The following RBFOX1 variants were observed in gnomAD, a reference collection of about 807,000 sequenced individuals.
RBFOX1 encodes the protein RNA binding fox-1 homolog 1, also known as RNA binding protein fox-1 homolog 1.
RBFOX1 carries 8 observed loss-of-function variants against 57.7 expected under a neutral mutation model. The observed-to-expected ratio is 0.14, with a 90% confidence interval of 0.08 to 0.25. The LOEUF is 0.25. Among genes scored for constraint, RBFOX1 ranks in the 10% least tolerant of loss-of-function variants. RBFOX1 has a pLI of 1.00. For missense variants in RBFOX1, 611 were observed against 548.5 expected (o/e 1.11, Z -1.14); for synonymous variants, 326 against 222.4 (o/e 1.47, Z -4.15).
chr16:6,841,547 A>C (rs1382007178), intron 3 of RBFOX1, among the ~76,000 whole-genome samples: 1 of 152,192 alleles, frequency 6.6e-6, no homozygotes, highest in African/African-American at 2.4e-5. Flanking sequence ...TAATGAGGCG[A>C]GTATTACCAC....
chr16:6,763,958 G>A (rs1014272823), intron 3 of RBFOX1, among the ~76,000 whole-genome samples: 2 of 152,200 alleles, frequency 1.3e-5, no homozygotes, highest in Non-Finnish European at 2.9e-5. Flanking sequence ...CCTGGAGAAA[G>A]TTGAATCTGC....
intron 3 of RBFOX1, among the ~76,000 whole-genome samples, chr16:6,678,344 G>T (rs1361613148): frequency 1.3e-5 from 2 of 152,044 alleles, no homozygotes; most frequent in African/African-American, 2.4e-5. Flanking sequence ...AGGCTGGTTT[G>T]AACTCCTGAC....
chr16:5,629,481 T>G (rs1816289191), intron 3 of RBFOX1, among the ~76,000 whole-genome samples: 2 of 152,222 alleles, frequency 1.3e-5, no homozygotes, highest in African/African-American at 4.8e-5. Context: ...CCAAAGCCAC[T>G]GCCCAAAGAG....
intron 1 of RBFOX1, among the ~76,000 whole-genome samples, chr16:6,263,118 G>T (rs756967007): frequency 2.0e-5 from 3 of 152,162 alleles, no homozygotes; most frequent in Admixed American, 6.6e-5. Flanking sequence ...CACAGAGTGC[G>T]CCTGTGGGTT....
chr16:7,448,864 A>G (rs1012425841), intron 4 of RBFOX1, among the ~76,000 whole-genome samples: 4 of 151,634 alleles, frequency 2.6e-5, no homozygotes, highest in African/African-American at 9.7e-5. Flanking sequence ...CATCTTAACT[A>G]AATACATCTG....
intron 4 of RBFOX1, among the ~76,000 whole-genome samples, chr16:6,001,013 A>G (rs974838826): frequency 1.3e-5 from 2 of 151,792 alleles, no homozygotes; most frequent in African/African-American, 4.8e-5. Flanking sequence ...GGATGAGTAG[A>G]TGAGTGGGTG....
intron 3 of RBFOX1, among the ~76,000 whole-genome samples, chr16:6,849,032 A>C (rs1289430262): frequency 6.6e-6 from 1 of 152,210 alleles, no homozygotes; most frequent in Non-Finnish European, 1.5e-5. Context: ...GGCCAGGCTT[A>C]CGTGTCCCTG....
At chr16:5,829,489 A>C (rs1219021561) in intron 3 of RBFOX1, among the ~76,000 whole-genome samples, 1 of 152,028 alleles carries the variant, frequency 6.6e-6, no homozygotes, top group African/African-American at 2.4e-5. Flanking sequence ...TTGGGGGAGG[A>C]GGAGGGTGCC....
At chr16:6,162,960 C>G (rs763813822) in intron 1 of RBFOX1, among the ~76,000 whole-genome samples, 4 of 152,152 alleles carry the variant, frequency 2.6e-5, no homozygotes, top group African/African-American at 7.2e-5. Context: ...TCTCGAACTC[C>G]TGACCTCAGG....
intron 4 of RBFOX1, among the ~76,000 whole-genome samples, chr16:7,228,867 C>G (rs371831325): frequency 6.6e-6 from 1 of 152,124 alleles, no homozygotes; most frequent in Non-Finnish European, 1.5e-5. Flanking sequence ...GAGTGTTTTA[C>G]AGATCCACAG....
intron 1 of RBFOX1, among the ~76,000 whole-genome samples, chr16:5,365,284 T>C (rs1183920042): frequency 3.3e-5 from 5 of 150,050 alleles, no homozygotes; most frequent in African/African-American, 1.2e-4. Context: ...GTAGATTCTC[T>C]TGAAAAATGA....
chr16:7,673,011 G>C (rs775426514), intron 13 of RBFOX1, among the ~76,000 whole-genome samples: 8 of 151,788 alleles, frequency 5.3e-5, no homozygotes, highest in Admixed American at 1.3e-4. Flanking sequence ...CACCAAGTGA[G>C]ACTTGACCCT....
intron 2 of RBFOX1, among the ~76,000 whole-genome samples, chr16:6,540,067 G>T (rs1475715229): frequency 6.6e-6 from 1 of 152,120 alleles, no homozygotes; most frequent in African/African-American, 2.4e-5. Flanking sequence ...CACGTGACTT[G>T]ACTTTGATGA....
chr16:7,015,818 A>C (rs2093883007), intron 3 of RBFOX1, among the ~76,000 whole-genome samples: 1 of 152,098 alleles, frequency 6.6e-6, no homozygotes, highest in Admixed American at 6.6e-5. Flanking sequence ...TTTGGGTAGA[A>C]AGAAATATTA....
At chr16:5,788,401 G>A (rs2054581447) in intron 3 of RBFOX1, among the ~76,000 whole-genome samples, 1 of 152,174 alleles carries the variant, frequency 6.6e-6, no homozygotes, top group African/African-American at 2.4e-5. Flanking sequence ...GGTCGAGCTG[G>A]GGGGATCACC....
At chr16:6,716,910 G>T (rs957716813) in intron 3 of RBFOX1, among the ~76,000 whole-genome samples, 4 of 152,212 alleles carry the variant, frequency 2.6e-5, no homozygotes, top group Non-Finnish European at 5.9e-5. Flanking sequence ...CAATGTGATG[G>T]TATTAGGAGG....
intron 1 of RBFOX1, among the ~76,000 whole-genome samples, chr16:6,246,013 G>T (rs2097567323): frequency 6.6e-6 from 1 of 152,078 alleles, no homozygotes; most frequent in African/African-American, 2.4e-5. Context: ...CAATGTCCCA[G>T]CTTTCTTAGA....
At chr16:6,819,637 G>A (rs577149628) in intron 3 of RBFOX1, among the ~76,000 whole-genome samples, 79 of 146,648 alleles carry the variant, frequency 5.4e-4, no homozygotes, top group African/African-American at 1.6e-3. Flanking sequence ...CCTGGGAAGC[G>A]GAGGTTGCAG....
At chr16:7,198,616 C>G (rs549400616) in intron 4 of RBFOX1, among the ~76,000 whole-genome samples, 2 of 152,272 alleles carry the variant, frequency 1.3e-5, no homozygotes, top group African/African-American at 4.8e-5. Flanking sequence ...CTGCATATCA[C>G]ATGGGCTTTC....
Sources: gnomAD v4.1 joint callset for allele counts (sites outside exome capture counted in the v4.1 genomes callset) on GRCh38, gnomAD v4.1.1 for gene constraint, MANE v1.5 for transcripts, NCBI Gene and HGNC (gene_info 2026-07-23, HGNC 2026-07-21) for gene names.